The following CCSER1 variants were observed in gnomAD, a reference collection of about 807,000 sequenced individuals.
CCSER1 encodes the protein serine-rich coiled-coil domain-containing protein 1.
In CCSER1, 41 loss-of-function variants were observed where a neutral mutation model predicts 82.0. The ratio of observed to expected loss-of-function variants is 0.50; its 90% CI spans 0.39 to 0.65. The LOEUF (loss-of-function observed/expected upper bound fraction) is 0.65, where lower values mean the gene tolerates loss of function less well. Ranked by LOEUF, CCSER1 falls within the 30% of genes least tolerant of loss-of-function variation. CCSER1 has a pLI of 0.00. For synonymous variants in CCSER1, 414 were observed against 383.9 expected (o/e 1.08, Z -0.92); for missense variants, 1,119 against 1,064.2 (o/e 1.05, Z -0.72).
At chr4:90,486,911 TTC>T (rs1475927485) in intron 5 of CCSER1, among the ~76,000 whole-genome samples, 1 of 152,190 alleles carries the variant, frequency 6.6e-6, no homozygotes, top group East Asian at 1.9e-4. Context: ...ATGTCTGTCT[TTC>T]TCTCTATATA....
intron 7 of CCSER1, chr4:90,780,751 TG>T: frequency 8.1e-7 from 1 of 1,229,728 alleles, no homozygotes. Context: ...TTTATTAAAA[TG>T]GTTTGTAAAG....
At chr4:90,348,595 A>C (rs779227507) in intron 3 of CCSER1, among the ~76,000 whole-genome samples, 7 of 152,294 alleles carry the variant, frequency 4.6e-5, no homozygotes, top group Non-Finnish European at 8.8e-5. Context: ...ATCTCAATAA[A>C]AATTACTCAG....
chr4:91,139,321 A>G (rs1326547073), intron 10 of CCSER1, among the ~76,000 whole-genome samples: 4 of 151,888 alleles, frequency 2.6e-5, no homozygotes, highest in Non-Finnish European at 2.9e-5. Flanking sequence ...TTGGTTCCCT[A>G]TCTTTACTAT....
chr4:91,468,126 G>C (rs779910088), intron 10 of CCSER1, among the ~76,000 whole-genome samples: 3 of 152,134 alleles, frequency 2.0e-5, no homozygotes, highest in Non-Finnish European at 4.4e-5. Context: ...TGATAGACTG[G>C]ATTAAGAATA....
chr4:91,435,305 G>A (rs1180324305), intron 10 of CCSER1, among the ~76,000 whole-genome samples: 2 of 151,960 alleles, frequency 1.3e-5, no homozygotes, highest in African/African-American at 4.8e-5. Flanking sequence ...AGCTGGGAGT[G>A]GTGGCTGTGT....
chr4:91,044,453 C>T (rs890660830), intron 9 of CCSER1, among the ~76,000 whole-genome samples: 11 of 152,176 alleles, frequency 7.2e-5, no homozygotes, highest in African/African-American at 1.9e-4. Flanking sequence ...CATGTATAGA[C>T]AAATCAATAA....
chr4:91,470,148 A>AT, intron 10 of CCSER1, among the ~76,000 whole-genome samples: 1 of 152,358 alleles, frequency 6.6e-6, no homozygotes, highest in East Asian at 1.9e-4. Context: ...TTATTTTAAT[A>AT]TTTTGTAAAC....
intron 10 of CCSER1, among the ~76,000 whole-genome samples, chr4:91,472,141 G>A (rs1757316812): frequency 2.6e-5 from 4 of 151,996 alleles, no homozygotes; most frequent in South Asian, 2.1e-4. Context: ...TTTACCTAGT[G>A]AATTTCCGAT....
chr4:90,521,869 A>G (rs1773180975), intron 5 of CCSER1, among the ~76,000 whole-genome samples: 1 of 152,210 alleles, frequency 6.6e-6, no homozygotes, highest in African/African-American at 2.4e-5. Flanking sequence ...CATTTGAAAT[A>G]GAAACCACTC....
intron 9 of CCSER1, among the ~76,000 whole-genome samples, chr4:91,042,860 C>T (rs550745275): frequency 4.6e-5 from 7 of 152,274 alleles, no homozygotes; most frequent in African/African-American, 1.7e-4. Flanking sequence ...GCAAAGTATT[C>T]TTGAAAACAA....
At chr4:91,518,985 C>A (rs1760299747) in intron 10 of CCSER1, among the ~76,000 whole-genome samples, 1 of 152,140 alleles carries the variant, frequency 6.6e-6, no homozygotes, top group Admixed American at 6.5e-5. Flanking sequence ...TGACTAGGTC[C>A]TTTATTCTTT....
At chr4:91,180,592 C>G (rs1049136716) in intron 10 of CCSER1, among the ~76,000 whole-genome samples, 16 of 152,208 alleles carry the variant, frequency 1.1e-4, no homozygotes, top group African/African-American at 2.9e-4. Context: ...GCTCTGTGGG[C>G]TTGGGACCAT....
chr4:90,570,003 C>T (rs1779913552), intron 5 of CCSER1, among the ~76,000 whole-genome samples: 2 of 152,166 alleles, frequency 1.3e-5, no homozygotes, highest in Non-Finnish European at 2.9e-5. Flanking sequence ...TGGACAAACC[C>T]ACGGGTATGG....
chr4:90,430,130 A>G (rs757352737), intron 4 of CCSER1, among the ~76,000 whole-genome samples: 2 of 151,914 alleles, frequency 1.3e-5, no homozygotes, highest in Non-Finnish European at 3.0e-5. Flanking sequence ...GAGGCTTTCA[A>G]TTGCATTTTC....
intron 10 of CCSER1, among the ~76,000 whole-genome samples, chr4:91,349,758 G>A (rs766312391): frequency 9.6e-5 from 14 of 145,432 alleles, no homozygotes; most frequent in Non-Finnish European, 1.9e-4. Flanking sequence ...CTGGGCTGTA[G>A]GAGGTACATT....
In CCSER1 at chr4:90,550,265, G is replaced by A. The variant is rs566870431; in HGVS notation, c.1725-77760G>A. Among the ~76,000 whole-genome samples the A allele has an allele frequency of 2.3e-4, 35 of 152,150 alleles. No individual in the cohort carries two copies. In the South Asian group the frequency reaches 7.1e-3, roughly 31 times the overall value. ...GTGTTTACAGCATACTCAAAGTAAT[G>A]TTTACCCTTGAAGCACATTATTTAT... On this transcript the variant is annotated intron_variant, in intron 5 of 10. Coordinates refer to ENST00000509176, the MANE Select transcript of CCSER1 (RefSeq NM_001145065.2).
chr4:91,345,786 T>C, intron 10 of CCSER1, among the ~76,000 whole-genome samples: 1 of 152,186 alleles, frequency 6.6e-6, no homozygotes. Context: ...CATCAGAGTA[T>C]TATGTAGGAC....
At chr4:90,449,584 C>T (rs1014096986) in intron 4 of CCSER1, among the ~76,000 whole-genome samples, 2 of 152,202 alleles carry the variant, frequency 1.3e-5, no homozygotes, top group South Asian at 4.1e-4. Context: ...TTCCCTTGGC[C>T]TCCCTCCCAT....
At chr4:91,062,384 C>G (rs1229640369) in intron 9 of CCSER1, among the ~76,000 whole-genome samples, 1 of 152,096 alleles carries the variant, frequency 6.6e-6, no homozygotes, top group Non-Finnish European at 1.5e-5. Flanking sequence ...CCTTGCTGAT[C>G]TGGCTCATTG....
Sources: allele counts gnomAD v4.1 joint callset (sites outside exome capture counted in the v4.1 genomes callset), GRCh38; gene constraint gnomAD v4.1.1; transcripts MANE v1.5; gene names NCBI Gene and HGNC (gene_info 2026-07-23, HGNC 2026-07-21).